Variants in TRIM7 observed in about 807,000 individuals in gnomAD.
The protein encoded by TRIM7 is E3 ubiquitin-protein ligase TRIM7.
In TRIM7, 32 loss-of-function variants were observed where a neutral mutation model predicts 37.9. The ratio of observed to expected loss-of-function variants is 0.84; its 90% CI spans 0.64 to 1.13. The LOEUF (loss-of-function observed/expected upper bound fraction) is 1.13, where lower values mean the gene tolerates loss of function less well. TRIM7 is among the 50% of genes most tolerant of loss of function. The pLI is 0.00. For synonymous variants in TRIM7, 351 were observed against 321.3 expected (o/e 1.09, Z -0.99); for missense variants, 732 against 714.0 (o/e 1.03, Z -0.29).
chr5:181,203,411 G>A, intron 2 of TRIM7, 134 bp downstream of exon 2: 3 of 1,513,084 alleles, frequency 2.0e-6, no homozygotes, highest in Non-Finnish European at 2.6e-6. Context: ...TATATAATAT[G>A]GACTCTATTA....
rs1379799959 is a variant in TRIM7 at position 181,195,215 on chromosome 5, G to A, written c.1487C>T (p.Pro496Leu). The A allele has an allele frequency of 3.7e-6, 6 of 1,612,366 alleles. No individual in the cohort carries two copies. In the African/African-American group the frequency reaches 4.0e-5, roughly 11 times the overall value. ...GCCCGTGGAGCAAACAGAGAAAAGC[G>A]GGAACACGCGCTCCTGGAAGTTGAC... Reference protein sequence around the residue: ...FRVNFQERVFPLFSVCSTGTY... With the variant: ...FRVNFQERVFLLFSVCSTGTY... The change falls in exon 7 of 7, where the codon CCG becomes CTG. Residue 496 changes from proline (P) to leucine (L), a missense_variant. Transcript: ENST00000274773.
At chr5:181,199,271 C>G in intron 3 of TRIM7, 154 bp from the exon 4 acceptor site, 1 of 798,318 alleles carries the variant, frequency 1.3e-6, no homozygotes, top group Non-Finnish European at 2.1e-6. Flanking sequence ...GCAGCAGCTT[C>G]CAGTGGCTGC....
rs1756949777 is a variant in TRIM7 at position 181,193,991 on chromosome 5, G to A, written c.*1175C>T. The A allele has an allele frequency of 6.6e-6, 1 of 152,304 alleles. No individual in the cohort carries two copies. The highest frequency in any genetic ancestry group is 1.5e-5 in the Non-Finnish European group (1 of 68,086). 9.4% of individuals were successfully genotyped at this position (152,304 alleles called of 1,614,324 possible). On this transcript the variant is annotated 3_prime_UTR_variant, in exon 7 of 7. Coordinates refer to ENST00000274773, the MANE Select transcript of TRIM7 (RefSeq NM_203293.3). Reference sequence around the variant, plus strand: ...TTCCCAGGGGAGCGCTGAGCAGGGAGTAGCCCACTGCCACCCTTCCAGAAG... The same window carrying A: ...TTCCCAGGGGAGCGCTGAGCAGGGAATAGCCCACTGCCACCCTTCCAGAAG...
At chr5:181,204,507 T>C (rs1757700336) in intron 1 of TRIM7, 82 bp downstream of exon 1, 1 of 1,266,954 alleles carries the variant, frequency 7.9e-7, no homozygotes. Context: ...CGACAGGCTG[T>C]TCTCTGCACC....
At chr5:181,199,187 T>G in intron 3 of TRIM7, 70 bp from the exon 4 acceptor site, 1 of 1,583,938 alleles carries the variant, frequency 6.3e-7, no homozygotes, top group Non-Finnish European at 8.7e-7. Context: ...AAACAAAGCT[T>G]GCCCCTTGCT....
rs75186999 is a variant in TRIM7 at position 181,193,978 on chromosome 5, C to T, written c.*1188G>A. 28,179 of 152,288 alleles carry T rather than the reference C, an allele frequency of 0.19. 5,417 individuals are homozygous for T. Among genetic ancestry groups the T allele is most frequent in the African/African-American group, 0.5 (20,698 of 41,500 alleles). The allele number at this position is 152,288 out of a possible 1,614,324, so 9.4% of individuals were successfully genotyped here. On this transcript the variant is annotated 3_prime_UTR_variant, in exon 7 of 7. Transcript: ENST00000274773. ...TCTCCTCACCCCCTTCCCAGGGGAGCGCTGAGCAGGGAGTAGCCCACTGCC... is the reference window on the plus strand; with the variant it reads ...TCTCCTCACCCCCTTCCCAGGGGAGTGCTGAGCAGGGAGTAGCCCACTGCC...
rs866901056 is a variant in TRIM7 at position 181,203,529 on chromosome 5, C to T, written c.618+16G>A. On this transcript the variant is annotated intron_variant, in intron 2 of 6. Transcript: ENST00000274773. The stretch of plus-strand genomic sequence containing the variant: ...TCTGTAATGTCCCACGGGGGGCCTG[C>T]GGGTGCCTGGCTCACCAGCAGCTCC... 6.2e-7 allele frequency: 1 copy of T among 1,613,794 alleles called. No individual in the cohort carries two copies. The highest frequency in any genetic ancestry group is 1.3e-5 in the African/African-American group (1 of 74,916).
intron 3 of TRIM7, 113 bp downstream of exon 3, chr5:181,199,738 C>T: frequency 6.9e-7 from 1 of 1,444,616 alleles, no homozygotes; most frequent in Non-Finnish European, 9.1e-7. Context: ...CAGTCCCCTT[C>T]AGCTCCAGAT....
rs1398297057 is a variant in TRIM7, at chr5:181,205,051, C to A, written c.60G>T (p.Ala20=). 2.1e-6 allele frequency: 3 copies of A among 1,407,480 alleles called. No individual in the cohort carries two copies. Among genetic ancestry groups the A allele is most frequent in the South Asian group, 1.5e-5 (1 of 66,924 alleles). The allele number at this position is 1,407,480 out of a possible 1,614,324, so 87.2% of individuals were successfully genotyped here. ...PGTGAEALAL[A]AELQGEATCS... is the part of the protein sequence containing the mutation. ...ACGTCGCCTCGCCCTGCAGCTCTGC[C>A]GCCAGCGCTAGAGCCTCGGCGCCGG... The change falls in exon 1 of 7, where the codon GCG becomes GCT. Residue 20 remains alanine (A), a synonymous_variant. Coordinates refer to ENST00000274773, the MANE Select transcript of TRIM7 (RefSeq NM_203293.3).
Position 181,204,582 on chromosome 5 carries a change from C to A in TRIM7, c.522+7G>T, listed in dbSNP as rs201674668. The A allele has an allele frequency of 1.4e-6, 2 of 1,394,528 alleles. No homozygotes were observed. The highest frequency in any genetic ancestry group is 1.5e-5 in the African/African-American group (1 of 65,980). 86.4% of individuals were successfully genotyped at this position (1,394,528 alleles called of 1,614,324 possible). A position where few individuals can be genotyped will look rare whatever the true frequency, so the allele number is the denominator to read the frequency against. On this transcript the variant is annotated splice_region_variant and intron_variant, in intron 1 of 6. Coordinates refer to ENST00000274773, the MANE Select transcript of TRIM7 (RefSeq NM_203293.3). ...GGACCCACGGGGTGGGTGGGGGCTGCGCTCACCTTGGCCTCCTGCACCGCC... is the reference window on the plus strand; with the variant it reads ...GGACCCACGGGGTGGGTGGGGGCTGAGCTCACCTTGGCCTCCTGCACCGCC...
rs1273443482 is a variant in TRIM7, at chr5:181,195,577, G to T, written c.1125C>A (p.Asn375Lys). 2.5e-6 allele frequency: 4 copies of T among 1,606,914 alleles called. No homozygotes were observed. In the South Asian group the frequency reaches 4.4e-5, roughly 18 times the overall value. ...RLGERAQDLPNHPCRFDTNTR... is the reference protein window; with the variant it reads ...RLGERAQDLPKHPCRFDTNTR... ...TGTTGGTGTCGAAGCGGCAGGGGTG[G>T]TTGGGCAGGTCCTGGGCCCGCTCGC... Residue 375 changes from asparagine to lysine, a missense_variant, in exon 7 of 7, where the codon AAC (asparagine) becomes AAA (lysine). Coordinates refer to ENST00000274773, the MANE Select transcript of TRIM7 (RefSeq NM_203293.3).
chr5:181,203,937 G>A, intron 1 of TRIM7: 1 of 1,158,538 alleles, frequency 8.6e-7, no homozygotes, highest in Non-Finnish European at 1.1e-6. Context: ...CCGTGGCTGG[G>A]AGAGTTGGAG....
chr5:181,200,258 CT>C, intron 2 of TRIM7, 177 bp from the exon 3 acceptor site: 1 of 1,478,580 alleles, frequency 6.8e-7, no homozygotes, highest in Admixed American at 2.5e-5. Context: ...TCTGAACAAG[CT>C]GTAGTCTGGA....
intron 2 of TRIM7, chr5:181,202,821 C>CTTGG (rs1037186167): frequency 3.3e-5 from 5 of 152,282 alleles, no homozygotes; most frequent in African/African-American, 1.2e-4. Context: ...ACCTCGGCCT[C>CTTGG]CCAAAGTGCT....
At position 181,195,411 on chromosome 5, in the gene TRIM7, C is replaced by A; in HGVS notation, c.1291G>T (p.Gly431Cys). 6.3e-7 allele frequency: 1 copy of A among 1,595,708 alleles called. No individual in the cohort carries two copies. Among genetic ancestry groups the A allele is most frequent in the Non-Finnish European group, 8.5e-7 (1 of 1,171,270 alleles). Reference protein sequence around the residue: ...KGLTPFTPEEGVWALQLNGGQ... With the variant: ...KGLTPFTPEECVWALQLNGGQ... Reference sequence around the variant, plus strand: ...CCGTTGAGCTGCAGGGCCCAGACGCCCTCCTCGGGAGTGAAGGGCGTCAGG... The same window carrying A: ...CCGTTGAGCTGCAGGGCCCAGACGCACTCCTCGGGAGTGAAGGGCGTCAGG... The change falls in exon 7 of 7, where the codon GGC becomes TGC. Residue 431 changes from glycine to cysteine, a missense_variant. By Grantham distance (159) the Gly-to-Cys change is radical (BLOSUM62 -3). Coordinates refer to ENST00000274773, the MANE Select transcript of TRIM7 (RefSeq NM_203293.3).
At chr5:181,198,095 T>C (rs928946383) in intron 6 of TRIM7, 88 bp downstream of exon 6, 29 of 1,491,792 alleles carry the variant, frequency 1.9e-5, no homozygotes, top group Non-Finnish European at 2.1e-5. Flanking sequence ...GAACCGACCA[T>C]ATGCAAAACC....
At chr5:181,204,443 G>A (rs945341722) in intron 1 of TRIM7, 146 bp downstream of exon 1, 6 of 1,153,476 alleles carry the variant, frequency 5.2e-6, no homozygotes, top group Non-Finnish European at 6.7e-6. Flanking sequence ...GGGAACCAGC[G>A]CTGGGCTTCC....
In TRIM7 at chr5:181,195,160, T is replaced by C; in HGVS notation, c.*6A>G. The C allele has an allele frequency of 6.3e-7, 1 of 1,586,128 alleles. No homozygotes were observed. The highest frequency in any genetic ancestry group is 1.7e-4 in the Middle Eastern group (1 of 5,920). ...CCCAGAGACAGGAGCTCCCCAGCAG[T>C]GCCCCTCAAGGCCAGATTCGCAAGT... On this transcript the variant is annotated 3_prime_UTR_variant, in exon 7 of 7. Coordinates refer to ENST00000274773, the MANE Select transcript of TRIM7 (RefSeq NM_203293.3).
chr5:181,198,161 G>A (rs747169860), intron 6 of TRIM7, 22 bp downstream of exon 6: 13 of 1,613,298 alleles, frequency 8.1e-6, no homozygotes, highest in African/African-American at 2.7e-5. Flanking sequence ...GTCCATACTC[G>A]CCATCACAGC....
Sources: gnomAD v4.1 joint callset for allele counts on GRCh38, gnomAD v4.1.1 for gene constraint, MANE v1.5 for transcripts, NCBI Gene and HGNC (gene_info 2026-07-23, HGNC 2026-07-21) for gene names.